MDM1: variants seen among roughly 807,000 people sequenced by gnomAD.
MDM1 encodes stabilizer of axonemal microtubules 6.
MDM1 carries 61 observed loss-of-function variants against 89.1 expected under a neutral mutation model. The ratio of observed to expected loss-of-function variants is 0.68; its 90% CI spans 0.56 to 0.85. The LOEUF is 0.85. Among genes scored for constraint, MDM1 ranks in the 40% least tolerant of loss-of-function variants. The probability of loss-of-function intolerance (pLI) is 0.00; values close to 1 mark genes in which losing one functional copy is unlikely to be tolerated. For missense variants in MDM1, 820 were observed against 846.5 expected (o/e 0.97, Z 0.39); for synonymous variants, 290 against 294.1 (o/e 0.99, Z 0.14).
chr12:68,320,145 A>G (rs773499304), intron 7 of MDM1, among the ~76,000 whole-genome samples: 3 of 151,816 alleles, frequency 2.0e-5, no homozygotes, highest in Admixed American at 1.3e-4. Flanking sequence ...GCTTTTCCTC[A>G]CTCCCACTAT....
At chr12:68,325,135 A>T (rs2121127180) in intron 4 of MDM1, 1 of 982,544 alleles carries the variant, frequency 1.0e-6, no homozygotes, top group South Asian at 4.8e-5. Flanking sequence ...ATAATTTTTT[A>T]ATAAGTAAAA....
chr12:68,325,534 A>C lies in MDM1; in HGVS notation c.540T>G (p.Val180=). The change falls in exon 4 of 15, where the codon GTT becomes GTG. Residue 180 remains valine (V), a synonymous_variant. Coordinates refer to ENST00000682720, the MANE Select transcript of MDM1 (RefSeq NM_001354969.2). ...AATTTCTCAAGGCATTATATGAAGG[A>C]ACAACAGTCAATCCAGCTTTCTTAC... is the stretch of plus-strand genomic sequence containing the variant. ...LLRKKAGLTV[V]PSYNALRNSE... The C allele has an allele frequency of 6.3e-7, 1 of 1,594,476 alleles. No homozygotes were observed. The highest frequency in any genetic ancestry group is 2.3e-5 in the East Asian group (1 of 44,106).
In MDM1 at chr12:68,327,387, A is replaced by G. The variant is rs931389389; in HGVS notation, c.134-366T>C. The G allele has an allele frequency of 2.0e-6, 3 of 1,534,838 alleles. No individual in the cohort carries two copies. In the African/African-American group the frequency reaches 4.1e-5, roughly 21 times the overall value. On this transcript the variant is annotated intron_variant, in intron 2 of 14. Transcript: ENST00000682720. Reference sequence around the variant, plus strand: ...CTTTCCTGTGCTACTTAACAGAACAATGGGCCCTGGTACTGTCAAAATTTG... The same window carrying G: ...CTTTCCTGTGCTACTTAACAGAACAGTGGGCCCTGGTACTGTCAAAATTTG...
Position 68,325,528 on chromosome 12 carries a change from T to A in MDM1, c.546A>T (p.Ser182=), listed in dbSNP as rs775669250. The A allele has an allele frequency of 6.3e-7, 1 of 1,598,360 alleles. No homozygotes were observed. Among genetic ancestry groups the A allele is most frequent in the South Asian group, 1.2e-5 (1 of 86,866 alleles). The change falls in exon 4 of 15, where the codon TCA becomes TCT. Residue 182 remains serine (S), a synonymous_variant. Transcript: ENST00000682720. The part of the protein sequence containing the change: ...RKKAGLTVVP[S]YNALRNSEYQ... ...ATTCAGAATTTCTCAAGGCATTATA[T>A]GAAGGAACAACAGTCAATCCAGCTT...
At chr12:68,301,388 T>TTAGCTCCCAG (rs1872137485) in intron 13 of MDM1, among the ~76,000 whole-genome samples, 1 of 152,118 alleles carries the variant, frequency 6.6e-6, no homozygotes, top group African/African-American at 2.4e-5. Flanking sequence ...ATGTTCTCAC[T>TTAGCTCCCAG]TACCAGTGGG....
At chr12:68,310,417 A>G (rs909229566) in intron 12 of MDM1, among the ~76,000 whole-genome samples, 6 of 152,224 alleles carry the variant, frequency 3.9e-5, no homozygotes, top group Admixed American at 3.9e-4. Flanking sequence ...AGTGAAAATA[A>G]TACATATAAA....
intron 13 of MDM1, among the ~76,000 whole-genome samples, chr12:68,301,531 A>G (rs1872160060): frequency 6.6e-6 from 1 of 152,184 alleles, no homozygotes; most frequent in Non-Finnish European, 1.5e-5. Context: ...ATTAAAATCC[A>G]GAATTCACCA....
At chr12:68,318,975 T>A (rs1225390247) in intron 7 of MDM1, among the ~76,000 whole-genome samples, 1 of 152,190 alleles carries the variant, frequency 6.6e-6, no homozygotes, top group Non-Finnish European at 1.5e-5. Flanking sequence ...ACAATGTCTG[T>A]CAAATTACAG....
Position 68,294,645 on chromosome 12 carries a change from C to T in MDM1, c.*609G>A, listed in dbSNP as rs1565759656. ...TACAGGTAATTTTTCAAAATCTAGACATTATTCAAATGTAAGCCAAAGTCC... is the reference window on the plus strand; with the variant it reads ...TACAGGTAATTTTTCAAAATCTAGATATTATTCAAATGTAAGCCAAAGTCC... On this transcript the variant is annotated 3_prime_UTR_variant, in exon 15 of 15. Transcript: ENST00000682720. 6.6e-6 allele frequency: 1 copy of T among 152,172 alleles called. No homozygotes were observed. The allele number at this position is 152,172 out of a possible 1,614,324, so 9.4% of individuals were successfully genotyped here.
intron 5 of MDM1, 98 bp downstream of exon 5, chr12:68,322,975 G>GA (rs1816472135): frequency 8.2e-7 from 1 of 1,214,292 alleles, no homozygotes. Context: ...ATGAACTAGT[G>GA]AAAACCAAAA....
Position 68,316,609 on chromosome 12 carries a change from C to T in MDM1, c.1007G>A (p.Gly336Asp). The T allele has an allele frequency of 6.5e-7, 1 of 1,534,522 alleles. No homozygotes were observed. Residue 336 changes from glycine (G) to aspartate (D), a missense_variant and splice_region_variant, in exon 8 of 15, where the codon GGT (glycine) becomes GAT (aspartate). Physicochemically the swap from Gly to Asp is moderately conservative, Grantham distance 94. Transcript: ENST00000682720. ...THVKGNMPNQ[G>D]SLNAMWYAEV... ...AGCATACCACATGGCATTTAGAGAACCCTAGAGAAGGAATACAGAAACACA... is the reference window on the plus strand; with the variant it reads ...AGCATACCACATGGCATTTAGAGAATCCTAGAGAAGGAATACAGAAACACA...
At chr12:68,317,136 T>G (rs187963159) in intron 7 of MDM1, among the ~76,000 whole-genome samples, 5 of 152,286 alleles carry the variant, frequency 3.3e-5, no homozygotes, top group African/African-American at 1.2e-4. Context: ...AAAAAAGTTC[T>G]GCTGAATAAT....
intron 12 of MDM1, among the ~76,000 whole-genome samples, chr12:68,305,882 G>T (rs1018043370): frequency 2.2e-5 from 2 of 89,926 alleles, no homozygotes; most frequent in East Asian, 3.3e-4. Flanking sequence ...ATTTTTCACA[G>T]AATTAGAAAA....
Position 68,320,640 on chromosome 12 carries a change from CA to C in MDM1, c.1005+706del, listed in dbSNP as rs374579291. 2.8e-4 allele frequency among the ~76,000 whole-genome samples: 43 copies of C among 152,244 alleles called. No individual in the cohort carries two copies. The South Asian group carries it at 8.9e-3, about 32-fold the overall frequency. On this transcript the variant is annotated intron_variant, in intron 7 of 14. Coordinates refer to ENST00000682720, the MANE Select transcript of MDM1 (RefSeq NM_001354969.2). ...CAAATTATCCTTCTGTTTACAATGA[CA>C]GGGGGAAGTGGGATGTTTACTTATG...
Position 68,326,717 on chromosome 12 carries a change from AAC to A in MDM1, c.436_437del (p.Val146Ter). 1 of 1,614,166 alleles carries A rather than the reference AAC, an allele frequency of 6.2e-7. No homozygotes were observed. Among genetic ancestry groups the A allele is most frequent in the Non-Finnish European group, 8.5e-7 (1 of 1,180,002 alleles). ...AATGTTCCAGTTCCACATTTTCATT[AAC>A]TGGTGTATGGTTTGTTACACCCTCA... ...NNEGVTNHTP[V>X]NENVELEHST... On this transcript the variant is annotated frameshift_variant, in exon 3 of 15. Coordinates refer to ENST00000682720, the MANE Select transcript of MDM1 (RefSeq NM_001354969.2). LOFTEE classifies it high-confidence loss of function.
chr12:68,331,246 G>T, intron 1 of MDM1, 25 bp from the exon 2 acceptor site: 1 of 1,222,758 alleles, frequency 8.2e-7, no homozygotes, highest in Non-Finnish European at 1.2e-6. Context: ...ACACTTTTGA[G>T]TACAGTCCAA....
At chr12:68,302,467 G>A (rs1872297680) in intron 13 of MDM1, among the ~76,000 whole-genome samples, 153 bp downstream of exon 13, 1 of 152,166 alleles carries the variant, frequency 6.6e-6, no homozygotes, top group South Asian at 2.1e-4. Context: ...TGGTCCCAAG[G>A]AGGGAGTTTT....
Position 68,302,650 on chromosome 12 carries a change from A to T in MDM1, c.1972T>A (p.Ser658Thr). 6.2e-7 allele frequency: 1 copy of T among 1,613,718 alleles called. No individual in the cohort carries two copies. The highest frequency in any genetic ancestry group is 2.2e-5 in the East Asian group (1 of 44,878). Residue 658 changes from serine (S) to threonine (T), a missense_variant, in exon 13 of 15, where the codon TCT (serine) becomes ACT (threonine). By Grantham distance (58) the Ser-to-Thr change is moderately conservative. Transcript: ENST00000682720. Reference sequence around the variant, plus strand: ...TGCTGAAACTCTGGATCTCTAAGAGAGCCCTGAATTCGTCGAGAGGGATGC... The same window carrying T: ...TGCTGAAACTCTGGATCTCTAAGAGTGCCCTGAATTCGTCGAGAGGGATGC... ...YWHPSRRIQG[S>T]LRDPEFQHNV... is the part of the protein sequence containing the mutation.
intron 2 of MDM1, chr12:68,327,570 T>G (rs1490240075): frequency 6.8e-7 from 1 of 1,473,810 alleles, no homozygotes. Flanking sequence ...TTCTCTATAT[T>G]TCTGTATGGA....
Sources: allele counts gnomAD v4.1 joint callset (sites outside exome capture counted in the v4.1 genomes callset), GRCh38; gene constraint gnomAD v4.1.1; transcripts MANE v1.5; gene names NCBI Gene and HGNC (gene_info 2026-07-23, HGNC 2026-07-21).